RBFOX1: variants seen among roughly 807,000 people sequenced by gnomAD.
RBFOX1 encodes the protein RNA binding fox-1 homolog 1, also known as RNA binding protein fox-1 homolog 1.
Under a neutral mutation model 57.7 loss-of-function variants are expected in RBFOX1, and 8 were observed. The observed-to-expected ratio is 0.14, with a 90% CI of 0.08 to 0.25. The LOEUF is 0.25. Among genes scored for constraint, RBFOX1 ranks in the 10% least tolerant of loss-of-function variants. The probability of loss-of-function intolerance (pLI) is 1.00; values close to 1 mark genes in which losing one functional copy is unlikely to be tolerated. For synonymous variants in RBFOX1, 326 were observed against 222.4 expected, an observed-to-expected ratio of 1.47 and a Z score of -4.15; for missense variants, 611 against 548.5, an observed-to-expected ratio of 1.11 and a Z score of -1.14.
chr16:6,940,817 G>C (rs1213542801), intron 3 of RBFOX1, among the ~76,000 whole-genome samples: 2 of 118,914 alleles, frequency 1.7e-5, no homozygotes, highest in Non-Finnish European at 3.7e-5. Context: ...TGTGTAGCTG[G>C]GAGTACAGGC....
intron 2 of RBFOX1, among the ~76,000 whole-genome samples, chr16:5,593,366 A>G (rs1022489501): frequency 6.6e-6 from 1 of 152,176 alleles, no homozygotes; most frequent in Non-Finnish European, 1.5e-5. Context: ...GGGGAGGGAT[A>G]GCATTAGGAG....
At chr16:5,886,614 G>A (rs1161545302) in intron 4 of RBFOX1, among the ~76,000 whole-genome samples, 2 of 152,172 alleles carry the variant, frequency 1.3e-5, no homozygotes, top group Non-Finnish European at 2.9e-5. Flanking sequence ...TTGGCTGGGC[G>A]CGGTGGCTCA....
intron 2 of RBFOX1, among the ~76,000 whole-genome samples, chr16:5,510,903 G>A (rs11639680): frequency 0.24 from 37,180 of 152,010 alleles, 4,742 homozygotes; most frequent in Non-Finnish European, 0.28. Context: ...CGTATCCCCA[G>A]GTTGAGAACT....
At chr16:6,770,957 C>T (rs2078195178) in intron 3 of RBFOX1, among the ~76,000 whole-genome samples, 1 of 152,054 alleles carries the variant, frequency 6.6e-6, no homozygotes, top group Non-Finnish European at 1.5e-5. Context: ...CTCCACTACC[C>T]CCGATTCAAA....
intron 3 of RBFOX1, chr16:5,610,489 G>A (rs1429631206): frequency 6.6e-6 from 1 of 152,190 alleles, no homozygotes; most frequent in Non-Finnish European, 1.5e-5. Flanking sequence ...TAAAACTGTG[G>A]TCTTGGCAGG....
intron 3 of RBFOX1, among the ~76,000 whole-genome samples, chr16:5,815,142 G>A (rs1462655880): frequency 1.4e-5 from 2 of 146,304 alleles, no homozygotes; most frequent in African/African-American, 5.1e-5. Flanking sequence ...ACCAGGCCTG[G>A]CTAATTTAAT....
chr16:6,379,951 C>G (rs2091622666), intron 2 of RBFOX1, among the ~76,000 whole-genome samples: 1 of 152,118 alleles, frequency 6.6e-6, no homozygotes, highest in Non-Finnish European at 1.5e-5. Context: ...GGGGTGTCCA[C>G]ATGATACAGC....
intron 2 of RBFOX1, among the ~76,000 whole-genome samples, chr16:5,593,843 C>T (rs1012375117): frequency 1.1e-4 from 17 of 152,136 alleles, no homozygotes; most frequent in African/African-American, 2.7e-4. Context: ...TTCTTTCTTG[C>T]GCGAGATCCA....
At chr16:6,425,787 T>C (rs1041739889) in intron 2 of RBFOX1, among the ~76,000 whole-genome samples, 2 of 152,212 alleles carry the variant, frequency 1.3e-5, no homozygotes, top group Non-Finnish European at 2.9e-5. Context: ...AAAATTTCTT[T>C]TATTCAGGGA....
intron 2 of RBFOX1, among the ~76,000 whole-genome samples, chr16:6,404,319 C>T (rs1207785976): frequency 6.6e-6 from 1 of 152,096 alleles, no homozygotes; most frequent in Non-Finnish European, 1.5e-5. Context: ...ATGCCATTTG[C>T]TGTCAGGGAC....
chr16:5,329,458 G>A (rs780604067), intron 1 of RBFOX1, among the ~76,000 whole-genome samples: 14 of 152,100 alleles, frequency 9.2e-5, no homozygotes, highest in Non-Finnish European at 1.9e-4. Flanking sequence ...GGGGAAATCT[G>A]CCCCCATGAT....
At chr16:6,602,902 C>A (rs1162242123) in intron 2 of RBFOX1, among the ~76,000 whole-genome samples, 1 of 152,122 alleles carries the variant, frequency 6.6e-6, no homozygotes, top group Non-Finnish European at 1.5e-5. Flanking sequence ...AGACTCTTTC[C>A]CAAATCCTGT....
chr16:6,448,323 C>A (rs991287836), intron 2 of RBFOX1, among the ~76,000 whole-genome samples: 9 of 151,744 alleles, frequency 5.9e-5, no homozygotes, highest in Non-Finnish European at 8.8e-5. Flanking sequence ...CCACACCCAG[C>A]TAATTTTTTT....
At chr16:6,776,344 G>C (rs1355938745) in intron 3 of RBFOX1, among the ~76,000 whole-genome samples, 1 of 152,150 alleles carries the variant, frequency 6.6e-6, no homozygotes, top group Admixed American at 6.5e-5. Context: ...CCAGGAGGGA[G>C]AGCTTGCAGT....
At chr16:6,377,720 T>C (rs1448911324) in intron 2 of RBFOX1, among the ~76,000 whole-genome samples, 2 of 152,260 alleles carry the variant, frequency 1.3e-5, no homozygotes, top group African/African-American at 4.8e-5. Context: ...ATGCAAATTT[T>C]GACTTTCTGT....
At chr16:6,248,247 C>G (rs1475819508) in intron 1 of RBFOX1, among the ~76,000 whole-genome samples, 2 of 152,020 alleles carry the variant, frequency 1.3e-5, no homozygotes, top group Non-Finnish European at 2.9e-5. Flanking sequence ...TAGAATGGAA[C>G]TGGGGGTGGG....
At chr16:5,337,357 A>G (rs1162441719) in intron 1 of RBFOX1, among the ~76,000 whole-genome samples, 1 of 152,214 alleles carries the variant, frequency 6.6e-6, no homozygotes, top group Non-Finnish European at 1.5e-5. Context: ...TGGTGAGTGC[A>G]TGGGTCAAAT....
intron 3 of RBFOX1, among the ~76,000 whole-genome samples, chr16:5,670,047 C>T (rs945170226): frequency 3.3e-4 from 50 of 152,146 alleles, no homozygotes; most frequent in African/African-American, 1.2e-3. Flanking sequence ...GTAGATGAAC[C>T]TTGAAAACAT....
chr16:6,104,350 A>C (rs1451660268), intron 1 of RBFOX1, among the ~76,000 whole-genome samples: 1 of 152,232 alleles, frequency 6.6e-6, no homozygotes, highest in Non-Finnish European at 1.5e-5. Context: ...CTTAAAGAAT[A>C]AATACCTTCT....
Sources: gnomAD v4.1 joint callset for allele counts (sites outside exome capture counted in the v4.1 genomes callset) on GRCh38, gnomAD v4.1.1 for gene constraint, MANE v1.5 for transcripts, NCBI Gene and HGNC (gene_info 2026-07-23, HGNC 2026-07-21) for gene names.